PDE4D: variants seen among roughly 807,000 people sequenced by gnomAD.
PDE4D encodes 3',5'-cyclic-AMP phosphodiesterase 4D.
PDE4D carries 24 observed loss-of-function variants against 87.4 expected under a neutral mutation model. That is an observed-to-expected ratio of 0.27 (90% CI 0.20 to 0.39). The LOEUF (loss-of-function observed/expected upper bound fraction) is 0.39. PDE4D is among the 10% of genes least tolerant of loss of function. The pLI, the probability that PDE4D is intolerant of heterozygous loss-of-function variation, is 1.00. For synonymous variants in PDE4D, 384 were observed against 383.2 expected (o/e 1.00, Z -0.02); for missense variants, 714 against 1,041.0 (o/e 0.69, Z 4.32).
intron 1 of PDE4D, among the ~76,000 whole-genome samples, chr5:60,283,757 T>A (rs1184720539): frequency 6.6e-6 from 1 of 152,146 alleles, no homozygotes; most frequent in Non-Finnish European, 1.5e-5. Flanking sequence ...CTGTAAAATG[T>A]GCCAGGTCTC....
chr5:60,159,361 A>G (rs896863228), intron 2 of PDE4D, among the ~76,000 whole-genome samples: 3 of 152,196 alleles, frequency 2.0e-5, no homozygotes, highest in Non-Finnish European at 4.4e-5. Flanking sequence ...ATTAAAAAGT[A>G]TAGTATAGTA....
chr5:59,891,165 C>T (rs1750898428), intron 1 of PDE4D, among the ~76,000 whole-genome samples: 1 of 152,160 alleles, frequency 6.6e-6, no homozygotes. Flanking sequence ...CTAAAAATTT[C>T]AAATAGAACA....
intron 1 of PDE4D, among the ~76,000 whole-genome samples, chr5:59,435,271 T>C (rs56173502): frequency 0.11 from 16,868 of 152,156 alleles, 1,002 homozygotes; most frequent in Middle Eastern, 0.13. Flanking sequence ...TTGCTTGAAA[T>C]TATCCAATAG....
At chr5:60,361,580 T>G (rs1018358012) in intron 1 of PDE4D, among the ~76,000 whole-genome samples, 1 of 152,198 alleles carries the variant, frequency 6.6e-6, no homozygotes, top group Admixed American at 6.5e-5. Context: ...TGTGGATGGT[T>G]TTGGTGGGGC....
intron 1 of PDE4D, among the ~76,000 whole-genome samples, chr5:59,335,786 A>G (rs1220593223): frequency 6.6e-6 from 1 of 152,238 alleles, no homozygotes; most frequent in Non-Finnish European, 1.5e-5. Context: ...TAGATTGCTA[A>G]CTAACAATCA....
intron 6 of PDE4D, chr5:58,999,454 G>C: frequency 1.9e-6 from 2 of 1,045,874 alleles, no homozygotes; most frequent in Admixed American, 2.0e-5. Flanking sequence ...TTTGTAATCA[G>C]AGTAAGGAGT....
intron 1 of PDE4D, among the ~76,000 whole-genome samples, chr5:60,266,513 A>G (rs1750228552): frequency 6.6e-6 from 1 of 152,174 alleles, no homozygotes. Flanking sequence ...CAGCTTCTCC[A>G]GGCTGCTGCT....
chr5:59,586,565 T>G, intron 1 of PDE4D: 1 of 1,375,916 alleles, frequency 7.3e-7, no homozygotes. Flanking sequence ...CAAAAGGCCT[T>G]CCAGGATTTG....
At chr5:60,202,470 G>A (rs1380654797) in intron 1 of PDE4D, among the ~76,000 whole-genome samples, 1 of 152,020 alleles carries the variant, frequency 6.6e-6, no homozygotes, top group Non-Finnish European at 1.5e-5. Flanking sequence ...CCCAGCCTGT[G>A]ATTTAATCAA....
intron 5 of PDE4D, among the ~76,000 whole-genome samples, chr5:59,040,881 A>C (rs1759563498): frequency 1.3e-5 from 2 of 152,362 alleles, no homozygotes; most frequent in South Asian, 4.1e-4. Context: ...GACTGAATTT[A>C]GGCTCCTGGG....
chr5:58,992,684 T>G (rs1748188513), intron 7 of PDE4D, among the ~76,000 whole-genome samples: 1 of 152,154 alleles, frequency 6.6e-6, no homozygotes, highest in Admixed American at 6.6e-5. Flanking sequence ...ACCTAAGATA[T>G]CTTCTTACTT....
At chr5:59,987,649 TC>T (rs1170393716) in intron 3 of PDE4D, 1 of 152,196 alleles carries the variant, frequency 6.6e-6, no homozygotes, top group African/African-American at 2.4e-5. Context: ...ATTGTTTTGT[TC>T]TTGTAGTTTT....
chr5:60,362,981 TC>T (rs1400116585), intron 1 of PDE4D, among the ~76,000 whole-genome samples: 4 of 152,196 alleles, frequency 2.6e-5, no homozygotes, highest in Non-Finnish European at 4.4e-5. Context: ...CCACAGAGTT[TC>T]AGGGTTTAAA....
intron 1 of PDE4D, among the ~76,000 whole-genome samples, chr5:59,386,354 A>G (rs1455864437): frequency 6.6e-6 from 1 of 152,224 alleles, no homozygotes; most frequent in African/African-American, 2.4e-5. Context: ...ATTTGTAAAT[A>G]TGGCTTCAAA....
rs2153406409 is a variant in PDE4D at position 59,053,781 on chromosome 5, C to T, written c.809-14810G>A. ...GACCAGCCTGGCCATCAAAGCAAAA[C>T]CCCATCTCTACTAAATCTAATCTTG... On this transcript the variant is annotated intron_variant, in intron 5 of 14. Transcript: ENST00000340635. Among the ~76,000 whole-genome samples, 5 of 150,490 alleles carry T rather than the reference C, an allele frequency of 3.3e-5. No homozygotes were observed. In the South Asian group the frequency reaches 1.1e-3, roughly 32 times the overall value.
rs376072454 is a variant in PDE4D, at chr5:59,387,889, A to G, written c.456-171921T>C. 3.9e-5 allele frequency among the ~76,000 whole-genome samples: 6 copies of G among 152,204 alleles called. No homozygotes were observed. The East Asian group carries it at 7.7e-4, about 20-fold the overall frequency. The stretch of plus-strand genomic sequence containing the variant: ...CCCTGAGGTACAATAGATCTCTGGA[A>G]CTTATTCCTCCTGTTTAACTGAAAT... On this transcript the variant is annotated intron_variant, in intron 1 of 14. Coordinates refer to ENST00000340635, the MANE Select transcript of PDE4D (RefSeq NM_001104631.2).
At chr5:60,328,046 T>C (rs948173475) in intron 1 of PDE4D, among the ~76,000 whole-genome samples, 6 of 152,200 alleles carry the variant, frequency 3.9e-5, no homozygotes, top group African/African-American at 1.4e-4. Flanking sequence ...CCTCAGATAA[T>C]TGTCACCAGC....
At chr5:60,265,865 C>G (rs533253971) in intron 1 of PDE4D, among the ~76,000 whole-genome samples, 1 of 152,274 alleles carries the variant, frequency 6.6e-6, no homozygotes, top group African/African-American at 2.4e-5. Context: ...GAAGCAGCCT[C>G]TCTGACAATT....
At chr5:59,160,951 C>T (rs532977580) in intron 5 of PDE4D, among the ~76,000 whole-genome samples, 2 of 152,112 alleles carry the variant, frequency 1.3e-5, no homozygotes, top group African/African-American at 4.8e-5. Context: ...CAAAAATTAG[C>T]CAGGCATGGT....
Sources: allele counts gnomAD v4.1 joint callset (sites outside exome capture counted in the v4.1 genomes callset), GRCh38; gene constraint gnomAD v4.1.1; transcripts MANE v1.5; gene names NCBI Gene and HGNC (gene_info 2026-07-23, HGNC 2026-07-21).